The following TMEM231 variants were observed in gnomAD, a reference collection of about 807,000 sequenced individuals.
TMEM231 encodes transmembrane protein 231.
Under a neutral mutation model 38.5 loss-of-function variants are expected in TMEM231, and 40 were observed. The ratio of observed to expected loss-of-function variants is 1.04; its 90% CI spans 0.81 to 1.35. The LOEUF is 1.35. Among genes scored for constraint, TMEM231 ranks in the 40% most tolerant of loss-of-function variants. The pLI is 0.00. For synonymous variants in TMEM231, 199 were observed against 181.7 expected, an observed-to-expected ratio of 1.10 and a Z score of -0.77; for missense variants, 420 against 416.9, an observed-to-expected ratio of 1.01 and a Z score of -0.07.
chr16:75,545,063 C>T (rs1250941324), intron 4 of TMEM231, among the ~76,000 whole-genome samples: 1 of 147,528 alleles, frequency 6.8e-6, no homozygotes, highest in African/African-American at 2.5e-5. Context: ...TCAAGCAATT[C>T]TCCTGCCTCA....
At chr16:75,540,412 T>C (rs772889617) in intron 6 of TMEM231, among the ~76,000 whole-genome samples, 12 of 152,214 alleles carry the variant, frequency 7.9e-5, no homozygotes, top group African/African-American at 1.4e-4. Flanking sequence ...CCAAACTAGA[T>C]TGATCATGGA....
chr16:75,551,688 G>A (rs1035983704), intron 2 of TMEM231, among the ~76,000 whole-genome samples: 2 of 152,154 alleles, frequency 1.3e-5, no homozygotes, highest in Non-Finnish European at 2.9e-5. Context: ...ATAGGTCGGG[G>A]CAGTGGCTCA....
chr16:75,553,404 A>T lies in TMEM231; in HGVS notation c.309+2400T>A, dbSNP rs931986042. On this transcript the variant is annotated intron_variant, in intron 2 of 6. Coordinates refer to ENST00000258173, the MANE Select transcript of TMEM231 (RefSeq NM_001077418.3). The stretch of plus-strand genomic sequence containing the variant: ...AAGGCTGAGGTGAGTGTATTACCAG[A>T]GTTGAGGAGTTCTAGACCAGCCTGG... Among the ~76,000 whole-genome samples the T allele has an allele frequency of 2.6e-5, 4 of 152,080 alleles. 1 individual carries two copies. Among genetic ancestry groups the T allele is most frequent in the Non-Finnish European group, 5.9e-5 (4 of 68,004 alleles).
chr16:75,542,806 G>A, intron 4 of TMEM231, 123 bp from the exon 5 acceptor site: 1 of 713,666 alleles, frequency 1.4e-6, no homozygotes, highest in Non-Finnish European at 2.4e-6. Context: ...GCCTACTGCA[G>A]TATCAATAAT....
intron 2 of TMEM231, among the ~76,000 whole-genome samples, chr16:75,550,760 G>C (rs1034712865): frequency 2.0e-5 from 3 of 149,508 alleles, no homozygotes; most frequent in Admixed American, 1.4e-4. Context: ...CTGTTGCCCA[G>C]GTTGGAGTAT....
In TMEM231 at chr16:75,540,132, C is replaced by T. The variant is rs2242406; in HGVS notation, c.813G>A (p.Val271=). 156,757 of 1,613,238 alleles carry T rather than the reference C, an allele frequency of 0.097. 23,591 individuals carry two copies. The highest frequency in any genetic ancestry group is 0.74 in the East Asian group (33,140 of 44,824). Residue 271 remains valine, a synonymous_variant, in exon 7 of 7, where the codon GTG becomes GTA. Transcript: ENST00000258173. The part of the protein sequence containing the change: ...GFWEMVKFAW[V]QYVSILLIFL... ...AGATAAGCAGGATGCTGACATACTG[C>T]ACCCAGGCGAACTTTACCATCTCCC...
intron 4 of TMEM231, among the ~76,000 whole-genome samples, chr16:75,544,302 G>A (rs1182399527): frequency 6.6e-6 from 1 of 152,206 alleles, no homozygotes; most frequent in African/African-American, 2.4e-5. Context: ...GGAAGGAGGG[G>A]CTGCTACTGT....
At chr16:75,540,272 A>G (rs1208852569) in intron 6 of TMEM231, 98 bp from the exon 7 acceptor site, 1 of 1,244,886 alleles carries the variant, frequency 8.0e-7, no homozygotes, top group Non-Finnish European at 1.1e-6. Context: ...GAAAGGAGGC[A>G]GGACCTCTGT....
At chr16:75,550,001 A>G (rs188589176) in intron 2 of TMEM231, among the ~76,000 whole-genome samples, 10 of 152,004 alleles carry the variant, frequency 6.6e-5, no homozygotes, top group Non-Finnish European at 1.3e-4. Context: ...GAGCCACCGC[A>G]CCTGGCCAGA....
Position 75,542,590 on chromosome 16 carries a change from C to T in TMEM231, c.664+12G>A. Reference sequence around the variant, plus strand: ...CTGAGCAGCGGCTGAATGGGCTCTACCTGTGACTCACCGTTCCTCTCCTGG... The same window carrying T: ...CTGAGCAGCGGCTGAATGGGCTCTATCTGTGACTCACCGTTCCTCTCCTGG... On this transcript the variant is annotated intron_variant, in intron 5 of 6. Coordinates refer to ENST00000258173, the MANE Select transcript of TMEM231 (RefSeq NM_001077418.3). 1 of 1,613,160 alleles carries T rather than the reference C, an allele frequency of 6.2e-7. No homozygotes were observed. The highest frequency in any genetic ancestry group is 8.5e-7 in the Non-Finnish European group (1 of 1,179,210).
chr16:75,550,997 G>A (rs773753533), intron 2 of TMEM231, among the ~76,000 whole-genome samples: 3 of 151,992 alleles, frequency 2.0e-5, no homozygotes, highest in Non-Finnish European at 4.4e-5. Context: ...GATTACAGGC[G>A]TGAGCCACTG....
intron 2 of TMEM231, 65 bp from the exon 3 acceptor site, chr16:75,546,019 T>C: frequency 1.3e-6 from 2 of 1,563,978 alleles, no homozygotes; most frequent in Non-Finnish European, 1.7e-6. Context: ...TCCACATCAC[T>C]TCTGTAAATA....
In TMEM231 at chr16:75,545,349, T is replaced by C. The variant is rs114290622; in HGVS notation, c.582+3A>G. The C allele has an allele frequency of 3.1e-3, 4,961 of 1,612,598 alleles. 123 individuals are homozygous for C. In the African/African-American group the frequency reaches 0.057, roughly 19 times the overall value. ...GGAGCTGGACAATGAGAAGCGCTCT[T>C]ACGTTGTATCGGGCATCTAGGCCAC... On this transcript the variant is annotated splice_donor_region_variant and intron_variant, in intron 4 of 6. Coordinates refer to ENST00000258173, the MANE Select transcript of TMEM231 (RefSeq NM_001077418.3).
At chr16:75,553,614 T>C (rs1272439291) in intron 2 of TMEM231, among the ~76,000 whole-genome samples, 1 of 131,294 alleles carries the variant, frequency 7.6e-6, no homozygotes, top group Non-Finnish European at 1.6e-5. Flanking sequence ...AGAGTGAAAC[T>C]CTGTTGCAAA....
Position 75,539,356 on chromosome 16 carries a change from A to G in TMEM231, c.*638T>C, listed in dbSNP as rs1323296225. ...GCAAAGATCCAGGGCTGCTCAGCTG[A>G]GCTGATGACAGATGACTGACTGTTG... is the stretch of plus-strand genomic sequence containing the variant. On this transcript the variant is annotated 3_prime_UTR_variant, in exon 7 of 7. Transcript: ENST00000258173. 2.0e-5 allele frequency: 3 copies of G among 152,350 alleles called. No homozygotes were observed. Among genetic ancestry groups the G allele is most frequent in the Non-Finnish European group, 4.4e-5 (3 of 68,122 alleles). 9.4% of individuals were successfully genotyped at this position (152,350 alleles called of 1,614,324 possible).
intron 2 of TMEM231, among the ~76,000 whole-genome samples, chr16:75,550,652 G>A (rs745628307): frequency 6.6e-5 from 10 of 152,010 alleles, no homozygotes; most frequent in African/African-American, 9.7e-5. Flanking sequence ...AGCATCTGAC[G>A]GTTTGTTGGA....
At chr16:75,550,389 T>C (rs1010267615) in intron 2 of TMEM231, among the ~76,000 whole-genome samples, 2 of 152,172 alleles carry the variant, frequency 1.3e-5, no homozygotes, top group African/African-American at 4.8e-5. Flanking sequence ...GTTTCATTTC[T>C]TTTTTTCTGC....
chr16:75,550,371 G>C (rs897268577), intron 2 of TMEM231, among the ~76,000 whole-genome samples: 1 of 152,168 alleles, frequency 6.6e-6, no homozygotes, highest in Non-Finnish European at 1.5e-5. Flanking sequence ...CCCTGGCAGT[G>C]GTGACTGGTT....
rs1432601570 is a variant in TMEM231 at position 75,539,169 on chromosome 16, CCA to C, written c.*823_*824del. 1 of 151,682 alleles carries C rather than the reference CCA, an allele frequency of 6.6e-6. No homozygotes were observed. The highest frequency in any genetic ancestry group is 1.5e-5 in the Non-Finnish European group (1 of 67,896). The allele number at this position is 151,682 out of a possible 1,614,324, so 9.4% of individuals were successfully genotyped here. ...GTCAAGGAGGAGGAGGGCCAAGTGCCCAGGCTGTTGGGTGAGGGCCAGAAAGA... is the reference window on the plus strand; with the variant it reads ...GTCAAGGAGGAGGAGGGCCAAGTGCCGGCTGTTGGGTGAGGGCCAGAAAGA... On this transcript the variant is annotated 3_prime_UTR_variant, in exon 7 of 7. Transcript: ENST00000258173.
Sources: gnomAD v4.1 joint callset for allele counts (sites outside exome capture counted in the v4.1 genomes callset) on GRCh38, gnomAD v4.1.1 for gene constraint, MANE v1.5 for transcripts, NCBI Gene and HGNC (gene_info 2026-07-23, HGNC 2026-07-21) for gene names.